RNGTT: variants seen among roughly 807,000 people sequenced by gnomAD.
RNGTT encodes RNA guanylyltransferase and 5'-phosphatase.
RNGTT carries 33 observed loss-of-function variants against 79.3 expected under a neutral mutation model. That is an observed-to-expected ratio of 0.42 (90% CI 0.32 to 0.56). The LOEUF is 0.56. RNGTT is among the 20% of genes least tolerant of loss of function. The pLI, the probability that RNGTT is intolerant of heterozygous loss-of-function variation, is 0.17. For missense variants in RNGTT, 497 were observed against 739.1 expected, an observed-to-expected ratio of 0.67 and a Z score of 3.80; for synonymous variants, 222 against 235.9, an observed-to-expected ratio of 0.94 and a Z score of 0.54.
At chr6:88,902,773 G>A (rs183800946) in intron 6 of RNGTT, among the ~76,000 whole-genome samples, 4 of 132,722 alleles carry the variant, frequency 3.0e-5, no homozygotes, top group Admixed American at 2.7e-4. Flanking sequence ...TTGGCTCACT[G>A]CAACCTCTGC....
chr6:88,867,622 T>C (rs1371785884), intron 8 of RNGTT, among the ~76,000 whole-genome samples: 1 of 152,194 alleles, frequency 6.6e-6, no homozygotes, highest in East Asian at 1.9e-4. Flanking sequence ...TTATATTCAA[T>C]AGATTTTCTC....
chr6:88,780,642 C>A (rs1025389403), intron 12 of RNGTT, among the ~76,000 whole-genome samples: 4 of 148,760 alleles, frequency 2.7e-5, no homozygotes, highest in Middle Eastern at 3.6e-3. Flanking sequence ...CAAAAAAAAA[C>A]TGGGGATATG....
At chr6:88,814,150 G>A (rs941944842) in intron 11 of RNGTT, among the ~76,000 whole-genome samples, 7 of 152,050 alleles carry the variant, frequency 4.6e-5, no homozygotes, top group Non-Finnish European at 7.4e-5. Context: ...ACTTGTGTAC[G>A]TATTATGAAA....
At chr6:88,636,143 A>G (rs1773091294) in intron 14 of RNGTT, among the ~76,000 whole-genome samples, 1 of 151,626 alleles carries the variant, frequency 6.6e-6, no homozygotes, top group Non-Finnish European at 1.5e-5. Context: ...TATCTCCAGC[A>G]CCTCCCTGTT....
At chr6:88,632,681 A>G (rs141108281) in intron 14 of RNGTT, among the ~76,000 whole-genome samples, 54 of 152,146 alleles carry the variant, frequency 3.5e-4, no homozygotes, top group African/African-American at 7.7e-4. Flanking sequence ...ATTGAGATCC[A>G]CTTAATGGAT....
At chr6:88,849,304 AG>A (rs1781589080) in intron 10 of RNGTT, among the ~76,000 whole-genome samples, 2 of 152,080 alleles carry the variant, frequency 1.3e-5, no homozygotes, top group Non-Finnish European at 2.9e-5. Context: ...AAAAATGTCC[AG>A]AAAAAAATGT....
At chr6:88,787,520 G>A (rs1387848755) in intron 12 of RNGTT, among the ~76,000 whole-genome samples, 1 of 152,156 alleles carries the variant, frequency 6.6e-6, no homozygotes, top group Non-Finnish European at 1.5e-5. Context: ...TTAGCTGGGT[G>A]TGGTGGTGCG....
intron 14 of RNGTT, among the ~76,000 whole-genome samples, chr6:88,653,549 C>T (rs1052661816): frequency 3.3e-5 from 5 of 151,970 alleles, no homozygotes; most frequent in African/African-American, 1.2e-4. Flanking sequence ...AACTTACAAC[C>T]ACAATTTAAA....
intron 1 of RNGTT, among the ~76,000 whole-genome samples, chr6:88,955,669 A>C (rs1785403287): frequency 6.6e-6 from 1 of 152,168 alleles, no homozygotes; most frequent in Non-Finnish European, 1.5e-5. Flanking sequence ...AGCAGAAGAA[A>C]AGAAGTAACA....
At chr6:88,960,532 G>C (rs1785580765) in intron 1 of RNGTT, among the ~76,000 whole-genome samples, 1 of 152,100 alleles carries the variant, frequency 6.6e-6, no homozygotes. Flanking sequence ...TCAGCAGTTG[G>C]AGACCAGCCT....
chr6:88,676,326 T>C (rs1774873599), intron 14 of RNGTT, among the ~76,000 whole-genome samples: 1 of 151,820 alleles, frequency 6.6e-6, no homozygotes, highest in Admixed American at 6.6e-5. Flanking sequence ...GGAACATCTA[T>C]ATATCCACGT....
chr6:88,724,417 T>C (rs9362546), intron 13 of RNGTT, among the ~76,000 whole-genome samples: 18,023 of 152,252 alleles, frequency 0.12, 1,187 homozygotes, highest in Middle Eastern at 0.23. Context: ...AGTATAGTAA[T>C]ATGCTGTACA....
At chr6:88,846,191 G>A (rs995215964) in intron 10 of RNGTT, among the ~76,000 whole-genome samples, 1 of 152,136 alleles carries the variant, frequency 6.6e-6, no homozygotes, top group Admixed American at 6.5e-5. Context: ...ACTGAGAAGA[G>A]ACTACAGGAA....
At chr6:88,796,170 C>T (rs913895892) in intron 12 of RNGTT, among the ~76,000 whole-genome samples, 14 of 151,978 alleles carry the variant, frequency 9.2e-5, no homozygotes, top group Non-Finnish European at 2.1e-4. Flanking sequence ...AATGATAATA[C>T]TTTTGATATA....
intron 14 of RNGTT, among the ~76,000 whole-genome samples, chr6:88,676,742 A>G (rs933229348): frequency 2.6e-5 from 4 of 152,214 alleles, no homozygotes; most frequent in Non-Finnish European, 5.9e-5. Context: ...CAAAAAACCC[A>G]ATTTTAAAAT....
intron 13 of RNGTT, among the ~76,000 whole-genome samples, chr6:88,737,670 T>C (rs1471609753): frequency 2.0e-5 from 3 of 152,174 alleles, no homozygotes; most frequent in Non-Finnish European, 4.4e-5. Flanking sequence ...CCTCCCCTTG[T>C]GCCATGTGAA....
chr6:88,788,740 T>C (rs1156607921), intron 12 of RNGTT, among the ~76,000 whole-genome samples: 1 of 152,218 alleles, frequency 6.6e-6, no homozygotes, highest in Non-Finnish European at 1.5e-5. Flanking sequence ...GTGAGTGAAC[T>C]AGATAACCTC....
intron 10 of RNGTT, among the ~76,000 whole-genome samples, chr6:88,847,550 T>C (rs914871731): frequency 1.3e-5 from 2 of 152,234 alleles, no homozygotes; most frequent in Admixed American, 6.5e-5. Context: ...ATACGATACT[T>C]TCAATTATAA....
intron 13 of RNGTT, among the ~76,000 whole-genome samples, chr6:88,719,598 A>G (rs1776636956): frequency 6.6e-6 from 1 of 152,184 alleles, no homozygotes; most frequent in Admixed American, 6.5e-5. Flanking sequence ...TTACTCTGTG[A>G]AACTTATGAA....
Sources: gnomAD v4.1 joint callset for allele counts (sites outside exome capture counted in the v4.1 genomes callset) on GRCh38, gnomAD v4.1.1 for gene constraint, MANE v1.5 for transcripts, NCBI Gene and HGNC (gene_info 2026-07-23, HGNC 2026-07-21) for gene names.